Variants in STK3 observed in about 807,000 individuals in gnomAD.
STK3 encodes the protein serine/threonine kinase 3.
STK3 carries 41 observed loss-of-function variants against 58.0 expected under a neutral mutation model. The ratio of observed to expected loss-of-function variants is 0.71; its 90% CI spans 0.55 to 0.92. STK3 has a LOEUF of 0.92. Among genes scored for constraint, STK3 ranks in the 40% least tolerant of loss-of-function variants. The probability of loss-of-function intolerance (pLI) is 0.00; values close to 1 mark genes in which losing one functional copy is unlikely to be tolerated. For missense variants in STK3, 479 were observed against 602.7 expected (o/e 0.79, Z 2.15); for synonymous variants, 170 against 191.0 (o/e 0.89, Z 0.91).
chr8:98,588,082 C>T (rs1182015116), intron 7 of STK3, among the ~76,000 whole-genome samples: 4 of 152,088 alleles, frequency 2.6e-5, no homozygotes, highest in Non-Finnish European at 5.9e-5. Context: ...TTAATTGGAG[C>T]ATTTGGTCCA....
At chr8:98,501,730 T>C (rs1412915433) in intron 10 of STK3, among the ~76,000 whole-genome samples, 1 of 152,246 alleles carries the variant, frequency 6.6e-6, no homozygotes, top group Non-Finnish European at 1.5e-5. Context: ...TGTGTTGTTA[T>C]TTCTGAGGCC....
chr8:98,451,723 G>A (rs1296310564), downstream of STK3, among the ~76,000 whole-genome samples: 2 of 152,030 alleles, frequency 1.3e-5, no homozygotes, highest in African/African-American at 2.4e-5. Context: ...GGTTTGTATG[G>A]AACAGGGCAA....
At chr8:98,419,628 T>C (rs952260271) in intron 3 of STK3, among the ~76,000 whole-genome samples, 4 of 152,194 alleles carry the variant, frequency 2.6e-5, no homozygotes, top group African/African-American at 9.7e-5. Context: ...CAGCCAAGGA[T>C]AGCAATGAGG....
intron 6 of STK3, among the ~76,000 whole-genome samples, chr8:98,692,524 T>G (rs1325987830): frequency 2.0e-5 from 3 of 152,136 alleles, no homozygotes; most frequent in Non-Finnish European, 2.9e-5. Context: ...GTCAAACTCA[T>G]AGAGACAGGA....
rs143324434 is a variant in STK3, at chr8:98,687,102, A to C, written c.684+19365T>G. Among the ~76,000 whole-genome samples, 124 of 152,288 alleles carry C rather than the reference A, an allele frequency of 8.1e-4. 1 individual carries two copies. Among genetic ancestry groups the C allele is most frequent in the African/African-American group, 2.9e-3 (119 of 41,566 alleles). On this transcript the variant is annotated intron_variant, in intron 6 of 10. Coordinates refer to ENST00000419617, the MANE Select transcript of STK3 (RefSeq NM_006281.4). ...GATAACTCCTACAAGATACTACACA[A>C]AATGACTATTCCCAGGGTACACAGT...
At chr8:98,633,854 C>G (rs1332758770) in intron 6 of STK3, 2 of 414,426 alleles carry the variant, frequency 4.8e-6, no homozygotes, top group Non-Finnish European at 9.2e-6. Context: ...TTGAAGTCAT[C>G]AAAAAACCCC....
At chr8:98,713,579 A>G (rs1443620133) in intron 4 of STK3, among the ~76,000 whole-genome samples, 1 of 152,236 alleles carries the variant, frequency 6.6e-6, no homozygotes, top group African/African-American at 2.4e-5. Context: ...TAAACCAGGA[A>G]GAAGTTGAAT....
intron 1 of STK3, among the ~76,000 whole-genome samples, chr8:98,799,755 C>T (rs754964615): frequency 3.9e-5 from 6 of 152,170 alleles, no homozygotes; most frequent in Admixed American, 1.3e-4. Flanking sequence ...CTACAGGAAC[C>T]GGAAGAGCCA....
chr8:98,478,426 C>G (rs1214144987), intron 10 of STK3, among the ~76,000 whole-genome samples: 1 of 152,060 alleles, frequency 6.6e-6, no homozygotes, highest in Non-Finnish European at 1.5e-5. Flanking sequence ...CCGAGCAGAG[C>G]AAAGAACTGA....
chr8:98,915,432 CTATATATATATATATATATA>C lies in STK3; in HGVS notation c.-79+26926_-79+26945del, dbSNP rs56187203. Among the ~76,000 whole-genome samples the C allele has an allele frequency of 5.4e-3, 508 of 94,636 alleles. 16 individuals are homozygous for C. The highest frequency in any genetic ancestry group is 0.025 in the African/African-American group (447 of 17,876). The allele number at this position is 94,636 out of a possible 152,430, so 62.1% of individuals were successfully genotyped here. On this transcript the variant is annotated intron_variant, in intron 1 of 1. Coordinates refer to the STK3 transcript ENST00000519420. ...GTGAGTTAATACTTAATAAACTTTC[CTATATATATATATATATATA>C]TATATATATATATATATAGTTCTGT...
intron 3 of STK3, among the ~76,000 whole-genome samples, chr8:98,752,282 G>A (rs972572844): frequency 3.2e-4 from 48 of 152,042 alleles, no homozygotes; most frequent in African/African-American, 1.1e-3. Context: ...AAAGAACTCA[G>A]AAATAAGACC....
At chr8:98,471,452 C>A (rs571088505) in intron 10 of STK3, among the ~76,000 whole-genome samples, 2 of 151,206 alleles carry the variant, frequency 1.3e-5, no homozygotes, top group African/African-American at 2.4e-5. Flanking sequence ...TACAGCTAAC[C>A]TACCAAACAT....
intron 10 of STK3, among the ~76,000 whole-genome samples, chr8:98,470,660 T>C (rs1056652603): frequency 6.6e-6 from 1 of 152,230 alleles, no homozygotes; most frequent in Non-Finnish European, 1.5e-5. Context: ...CTGTCTTTCA[T>C]TGGTCTTTAG....
chr8:98,555,651 T>G (rs1811532611), intron 8 of STK3, among the ~76,000 whole-genome samples: 1 of 152,088 alleles, frequency 6.6e-6, no homozygotes, highest in South Asian at 2.1e-4. Context: ...GAAAAAAATA[T>G]TCTTCAGAAA....
intron 1 of STK3, among the ~76,000 whole-genome samples, chr8:98,899,212 T>C (rs906035758): frequency 3.9e-5 from 6 of 152,218 alleles, no homozygotes; most frequent in African/African-American, 1.4e-4. Flanking sequence ...AGGCAGCATT[T>C]CATGGGGAAA....
intron 6 of STK3, among the ~76,000 whole-genome samples, chr8:98,678,072 AGAAG>A (rs747769827): frequency 2.6e-5 from 4 of 152,256 alleles, no homozygotes; most frequent in Non-Finnish European, 5.9e-5. Context: ...TTGTACTGAT[AGAAG>A]GAAGTATCTA....
At chr8:98,354,881 G>A in the STK3 span, among the ~76,000 whole-genome samples, 3 of 152,270 alleles carry the variant, frequency 2.0e-5, no homozygotes, top group African/African-American at 7.2e-5. Flanking sequence ...AGGTTCAAGC[G>A]ATTCTCCTGC....
intron 4 of STK3, chr8:98,723,042 C>G: frequency 3.0e-6 from 1 of 334,454 alleles, no homozygotes; most frequent in Non-Finnish European, 5.8e-6. Flanking sequence ...CAGAATACTT[C>G]ATTTGTGGAT....
Position 98,800,772 on chromosome 8 carries a change from C to A in STK3, c.26+24743G>T, listed in dbSNP as rs1833490891. Among the ~76,000 whole-genome samples the A allele has an allele frequency of 1.3e-5, 2 of 152,354 alleles. No homozygotes were observed. The highest frequency in any genetic ancestry group is 4.1e-4 in the South Asian group (2 of 4,834). On this transcript the variant is annotated intron_variant, in intron 1 of 10. Transcript: ENST00000419617. The surrounding 1 kb of genome is among the most constrained non-coding windows in gnomAD (Gnocchi z 4.8). ...AGGGGCACCGGGTACCCCAGCACTG[C>A]CGGCCCTCCCGCGCTGAGCTCGAAT...
Sources: gnomAD v4.1 joint callset for allele counts (sites outside exome capture counted in the v4.1 genomes callset) on GRCh38, gnomAD v4.1.1 for gene constraint, Gnocchi (gnomAD v3.1) non-coding constraint, MANE v1.5 for transcripts, NCBI Gene and HGNC (gene_info 2026-07-23, HGNC 2026-07-21) for gene names.